Variants in HNF4G observed in about 807,000 individuals in gnomAD.
HNF4G encodes hepatocyte nuclear factor 4-gamma.
Under a neutral mutation model 50.9 loss-of-function variants are expected in HNF4G, and 21 were observed. That is an observed-to-expected ratio of 0.41 (90% CI 0.29 to 0.59). HNF4G has a LOEUF of 0.59. Ranked by LOEUF, HNF4G falls within the 20% of genes least tolerant of loss-of-function variation. The probability of loss-of-function intolerance (pLI) is 0.26; values close to 1 mark genes in which losing one functional copy is unlikely to be tolerated. For synonymous variants in HNF4G, 198 were observed against 185.6 expected, an observed-to-expected ratio of 1.07 and a Z score of -0.54; for missense variants, 527 against 559.4, an observed-to-expected ratio of 0.94 and a Z score of 0.58.
Position 75,427,636 on chromosome 8 carries a change from T to C in HNF4G, c.-144+19474T>C, listed in dbSNP as rs118157016. 6.2e-3 allele frequency among the ~76,000 whole-genome samples: 939 copies of C among 151,882 alleles called. 20 individuals carry two copies. The highest frequency in any genetic ancestry group is 0.032 in the East Asian group (163 of 5,174). On this transcript the variant is annotated intron_variant, in intron 1 of 10. Coordinates refer to the HNF4G transcript ENST00000354370. ...CTATCTTCTCATCTAGTATAGTACTTTACAGATAGCGAATGCCTTGTTAAG... is the reference window on the plus strand; with the variant it reads ...CTATCTTCTCATCTAGTATAGTACTCTACAGATAGCGAATGCCTTGTTAAG...
intron 2 of HNF4G, among the ~76,000 whole-genome samples, chr8:75,493,612 GC>G (rs1163500252): frequency 7.2e-5 from 11 of 151,866 alleles, no homozygotes; most frequent in African/African-American, 2.7e-4. Context: ...TTTACTAATT[GC>G]ATTTCTTTTT....
At chr8:75,512,724 G>A (rs1228904040) in intron 2 of HNF4G, among the ~76,000 whole-genome samples, 4 of 151,808 alleles carry the variant, frequency 2.6e-5, no homozygotes, top group African/African-American at 9.7e-5. Flanking sequence ...TCCACCTCCC[G>A]AACTGCTGGG....
intron 2 of HNF4G, among the ~76,000 whole-genome samples, chr8:75,533,648 C>T (rs1806388025): frequency 6.6e-6 from 1 of 151,734 alleles, no homozygotes; most frequent in South Asian, 2.1e-4. Context: ...TTTTGAGAAA[C>T]CAACCAACAC....
chr8:75,459,774 C>T (rs1031380551), intron 1 of HNF4G, among the ~76,000 whole-genome samples: 3 of 152,130 alleles, frequency 2.0e-5, no homozygotes, highest in African/African-American at 4.8e-5. Context: ...GCAGCATGGA[C>T]AGGCACTTGT....
chr8:75,421,597 C>A (rs772651102), intron 1 of HNF4G, among the ~76,000 whole-genome samples: 4 of 152,168 alleles, frequency 2.6e-5, no homozygotes, highest in Admixed American at 1.3e-4. Context: ...GTTTCTGCAA[C>A]TTTTAAGATT....
At chr8:75,451,106 A>C (rs187724127) in intron 1 of HNF4G, among the ~76,000 whole-genome samples, 22 of 152,246 alleles carry the variant, frequency 1.4e-4, no homozygotes, top group African/African-American at 4.6e-4. Flanking sequence ...ATTTTTTCAT[A>C]TACTCCATTG....
intron 1 of HNF4G, among the ~76,000 whole-genome samples, chr8:75,417,758 T>C (rs773161198): frequency 1.3e-5 from 2 of 152,188 alleles, no homozygotes; most frequent in African/African-American, 4.8e-5. Flanking sequence ...ATACGGCAGA[T>C]TGACTTCTGA....
chr8:75,536,600 TA>T (rs200045155), upstream of HNF4G, among the ~76,000 whole-genome samples: 3 of 151,758 alleles, frequency 2.0e-5, no homozygotes, highest in Admixed American at 6.6e-5. Flanking sequence ...TGAATATATA[TA>T]AAAAAAACCG....
chr8:75,414,754 A>G (rs1013935359), intron 1 of HNF4G, among the ~76,000 whole-genome samples: 4 of 152,368 alleles, frequency 2.6e-5, no homozygotes, highest in Non-Finnish European at 4.4e-5. Context: ...GCTAAATAGC[A>G]TAATGTTGTA....
intron 2 of HNF4G, among the ~76,000 whole-genome samples, chr8:75,515,892 A>G (rs977890056): frequency 1.3e-5 from 2 of 151,890 alleles, no homozygotes; most frequent in African/African-American, 4.8e-5. Flanking sequence ...CAGCCTCCCG[A>G]GTAGCTGGGA....
At chr8:75,437,869 A>G (rs188831569) in intron 1 of HNF4G, among the ~76,000 whole-genome samples, 1 of 152,148 alleles carries the variant, frequency 6.6e-6, no homozygotes, top group Non-Finnish European at 1.5e-5. Flanking sequence ...CAAGTTGTTC[A>G]TTGAAAGTGT....
chr8:75,462,128 G>T (rs1296814266), intron 1 of HNF4G, among the ~76,000 whole-genome samples: 2 of 151,886 alleles, frequency 1.3e-5, no homozygotes, highest in African/African-American at 4.8e-5. Context: ...TGTTGGTCAG[G>T]CTGGTCTCGA....
chr8:75,537,257 T>G (rs1480099824), upstream of HNF4G, among the ~76,000 whole-genome samples: 1 of 140,158 alleles, frequency 7.1e-6, no homozygotes, highest in Non-Finnish European at 1.5e-5. Flanking sequence ...TTATTTTATT[T>G]TTTTGAAACA....
At chr8:75,434,705 C>T (rs567608431) in intron 1 of HNF4G, among the ~76,000 whole-genome samples, 1 of 151,692 alleles carries the variant, frequency 6.6e-6, no homozygotes, top group South Asian at 2.1e-4. Context: ...CACACACACA[C>T]ATACACAAAT....
chr8:75,412,178 G>C (rs924147843), intron 1 of HNF4G, among the ~76,000 whole-genome samples: 18 of 152,328 alleles, frequency 1.2e-4, no homozygotes, highest in African/African-American at 4.3e-4. Flanking sequence ...GAATAAGAAA[G>C]AGAGTCTCTA....
At chr8:75,415,927 C>G (rs535192398) in intron 1 of HNF4G, among the ~76,000 whole-genome samples, 2 of 152,012 alleles carry the variant, frequency 1.3e-5, no homozygotes, top group Admixed American at 1.3e-4. Context: ...ACAATAGGTT[C>G]TGATAAAGTT....
chr8:75,529,538 G>A (rs544616172), intron 2 of HNF4G, among the ~76,000 whole-genome samples: 1 of 152,150 alleles, frequency 6.6e-6, no homozygotes, highest in Non-Finnish European at 1.5e-5. Context: ...GAGACAGAGG[G>A]TGAAGGTAGG....
intron 1 of HNF4G, among the ~76,000 whole-genome samples, chr8:75,479,131 T>C (rs62521457): frequency 6.6e-6 from 1 of 152,022 alleles, no homozygotes; most frequent in Non-Finnish European, 1.5e-5. Context: ...CTCTCCCAAA[T>C]CATCCCTGAC....
At chr8:75,500,419 G>A (rs950626991) in intron 2 of HNF4G, among the ~76,000 whole-genome samples, 9 of 152,052 alleles carry the variant, frequency 5.9e-5, no homozygotes, top group African/African-American at 2.2e-4. Context: ...ATTACTGGTT[G>A]GAATGTAAAA....
Sources: gnomAD v4.1 joint callset for allele counts (sites outside exome capture counted in the v4.1 genomes callset) on GRCh38, gnomAD v4.1.1 for gene constraint, MANE v1.5 for transcripts, NCBI Gene and HGNC (gene_info 2026-07-23, HGNC 2026-07-21) for gene names.